Variants in SYT9 observed in about 807,000 individuals in gnomAD.
SYT9 encodes the protein synaptotagmin 9, also known as synaptotagmin-9.
SYT9 carries 22 observed loss-of-function variants against 48.4 expected under a neutral mutation model. The observed-to-expected ratio is 0.45, with a 90% CI of 0.32 to 0.65. The LOEUF is 0.65. SYT9 is among the 30% of genes least tolerant of loss of function. The pLI, the probability that SYT9 is intolerant of heterozygous loss-of-function variation, is 0.03. For missense variants in SYT9, 577 were observed against 622.0 expected (o/e 0.93, Z 0.77); for synonymous variants, 265 against 245.0 (o/e 1.08, Z -0.76).
intron 6 of SYT9, among the ~76,000 whole-genome samples, chr11:7,446,586 G>T (rs1359362859): frequency 3.3e-5 from 5 of 152,164 alleles, no homozygotes; most frequent in Non-Finnish European, 7.3e-5. Context: ...GGTACCACAG[G>T]ATGGTCTTTT....
chr11:7,320,850 T>G (rs935226841), intron 3 of SYT9, among the ~76,000 whole-genome samples: 1 of 152,176 alleles, frequency 6.6e-6, no homozygotes, highest in African/African-American at 2.4e-5. Context: ...TACATCTTTG[T>G]GAGGATTTTA....
At chr11:7,387,841 TCAAC>T (rs1376622336) in intron 3 of SYT9, among the ~76,000 whole-genome samples, 2 of 152,192 alleles carry the variant, frequency 1.3e-5, no homozygotes, top group African/African-American at 4.8e-5. Context: ...ATATGTTTAA[TCAAC>T]CATGTAAACG....
rs140472452 is a variant in SYT9, at chr11:7,334,275, T to G, written c.1044+20334T>G. Among the ~76,000 whole-genome samples the G allele has an allele frequency of 9.5e-4, 145 of 152,292 alleles. 3 individuals carry two copies. Among genetic ancestry groups the G allele is most frequent in the East Asian group, 7.3e-3 (38 of 5,180 alleles). On this transcript the variant is annotated intron_variant, in intron 3 of 6. Transcript: ENST00000318881. The stretch of plus-strand genomic sequence containing the variant: ...AGACAAGAATAAGTCTTTGAGTCTT[T>G]ATGAGTAATTTTGGGCAGTGAATTG...
chr11:7,446,328 C>T (rs1013775308), intron 6 of SYT9, among the ~76,000 whole-genome samples: 7 of 152,234 alleles, frequency 4.6e-5, no homozygotes, highest in Non-Finnish European at 1.0e-4. Flanking sequence ...AAATGCAGAA[C>T]ACTTACAAGA....
At chr11:7,414,660 G>A (rs1276894557) in intron 3 of SYT9, among the ~76,000 whole-genome samples, 1 of 152,208 alleles carries the variant, frequency 6.6e-6, no homozygotes, top group Non-Finnish European at 1.5e-5. Flanking sequence ...TGCAAGGAGA[G>A]GTCATTTATT....
intron 3 of SYT9, among the ~76,000 whole-genome samples, chr11:7,358,666 T>C (rs912874001): frequency 3.3e-5 from 5 of 152,206 alleles, no homozygotes; most frequent in African/African-American, 1.2e-4. Context: ...TTCATGTTTT[T>C]AGAAAACCTA....
upstream of SYT9, among the ~76,000 whole-genome samples, chr11:7,247,127 T>C (rs900191802): frequency 1.3e-4 from 20 of 152,206 alleles, no homozygotes; most frequent in African/African-American, 4.6e-4. Context: ...TATAGGTTAT[T>C]GGGGAACAGG....
At position 7,252,047 on chromosome 11, in the gene SYT9, C is replaced by T. The variant is rs549341803; in HGVS notation, c.-140C>T. On this transcript the variant is annotated 5_prime_UTR_variant, in exon 1 of 7. Coordinates refer to ENST00000318881, the MANE Select transcript of SYT9 (RefSeq NM_175733.4). This position sits in a 1 kb window ranked among gnomAD's most constrained non-coding sequence, Gnocchi z 6.3. ...GGCCGGGCCGGCTGGGTCTGGGGCT[C>T]GGGCTCAGGCTCGCACCGTTTCTCG... 7.7e-6 allele frequency: 8 copies of T among 1,037,884 alleles called. No homozygotes were observed. Among genetic ancestry groups the T allele is most frequent in the South Asian group, 2.7e-5 (1 of 37,642 alleles). 64.3% of individuals were successfully genotyped at this position (1,037,884 alleles called of 1,614,324 possible).
intron 6 of SYT9, among the ~76,000 whole-genome samples, chr11:7,433,320 C>G (rs973088701): frequency 6.6e-6 from 1 of 152,052 alleles, no homozygotes; most frequent in Non-Finnish European, 1.5e-5. Flanking sequence ...TTCTTTATAC[C>G]AATGCAAGAA....
At chr11:7,295,527 T>A (rs1344194771) in intron 1 of SYT9, among the ~76,000 whole-genome samples, 1 of 152,248 alleles carries the variant, frequency 6.6e-6, no homozygotes, top group Admixed American at 6.5e-5. Flanking sequence ...GCTTGAGGCT[T>A]TCTCTACAGC....
intron 3 of SYT9, among the ~76,000 whole-genome samples, chr11:7,414,786 G>C (rs1176288493): frequency 1.3e-5 from 2 of 152,180 alleles, no homozygotes; most frequent in Non-Finnish European, 2.9e-5. Flanking sequence ...GTTGGGCGAG[G>C]TGACCTTCCA....
intron 6 of SYT9, among the ~76,000 whole-genome samples, chr11:7,445,488 C>G (rs1305353939): frequency 6.6e-6 from 1 of 152,108 alleles, no homozygotes; most frequent in Non-Finnish European, 1.5e-5. Context: ...CCTCCCTGAC[C>G]CTACCCTCTC....
At chr11:7,340,291 A>G (rs1849691917) in intron 3 of SYT9, among the ~76,000 whole-genome samples, 2 of 152,166 alleles carry the variant, frequency 1.3e-5, no homozygotes, top group African/African-American at 4.8e-5. Context: ...TTTTCTTGAG[A>G]TGAGTTTGCC....
intron 3 of SYT9, among the ~76,000 whole-genome samples, chr11:7,401,451 T>A (rs1364012303): frequency 1.3e-5 from 2 of 151,810 alleles, no homozygotes; most frequent in Non-Finnish European, 2.9e-5. Flanking sequence ...AGTTGGGAAG[T>A]GTTCTCACCT....
chr11:7,375,656 G>A (rs1850439588), intron 3 of SYT9, among the ~76,000 whole-genome samples: 2 of 152,104 alleles, frequency 1.3e-5, no homozygotes, highest in Admixed American at 1.3e-4. Context: ...GGATTCCTAG[G>A]TATTTTGTTC....
chr11:7,284,665 G>A (rs1010007552), intron 1 of SYT9, among the ~76,000 whole-genome samples: 1 of 151,908 alleles, frequency 6.6e-6, no homozygotes, highest in African/African-American at 2.4e-5. Flanking sequence ...GTCTGGGTGT[G>A]CTCTCTTTTT....
At chr11:7,354,026 T>C (rs184035577) in intron 3 of SYT9, among the ~76,000 whole-genome samples, 40 of 152,346 alleles carry the variant, frequency 2.6e-4, no homozygotes, top group Middle Eastern at 3.4e-3. Flanking sequence ...CCAAATATGG[T>C]GAATCATTAA....
chr11:7,265,761 A>G (rs1848169097), intron 1 of SYT9, among the ~76,000 whole-genome samples: 1 of 152,036 alleles, frequency 6.6e-6, no homozygotes, highest in South Asian at 2.1e-4. Flanking sequence ...TCTGTAGAAA[A>G]TTTAGCTGTA....
chr11:7,411,619 A>G (rs1330021169), intron 3 of SYT9, among the ~76,000 whole-genome samples: 2 of 152,100 alleles, frequency 1.3e-5, no homozygotes, highest in African/African-American at 4.8e-5. Flanking sequence ...AGGTGACTAG[A>G]CACTTTTGTC....
Sources: allele counts gnomAD v4.1 joint callset (sites outside exome capture counted in the v4.1 genomes callset), GRCh38; gene constraint gnomAD v4.1.1; non-coding constraint Gnocchi (gnomAD v3.1); transcripts MANE v1.5; gene names NCBI Gene and HGNC (gene_info 2026-07-23, HGNC 2026-07-21).